Variants in ENTHD1 observed in about 807,000 individuals in gnomAD.
ENTHD1 encodes ENTH domain containing 1.
A neutral mutation model predicts 39.1 loss-of-function variants in ENTHD1; 23 were observed. The observed-to-expected ratio is 0.59, with a 90% CI of 0.42 to 0.83. The LOEUF is 0.83. Among genes scored for constraint, ENTHD1 ranks in the 40% least tolerant of loss-of-function variants. The pLI is 0.00. For synonymous variants in ENTHD1, 230 were observed against 258.2 expected (o/e 0.89, Z 1.05); for missense variants, 624 against 705.4 (o/e 0.88, Z 1.31).
At chr22:39,761,458 A>G (rs1230137215) in intron 6 of ENTHD1, among the ~76,000 whole-genome samples, 1 of 152,082 alleles carries the variant, frequency 6.6e-6, no homozygotes, top group Non-Finnish European at 1.5e-5. Flanking sequence ...TTTGGATCTG[A>G]AAGTTTATTT....
intron 2 of ENTHD1, among the ~76,000 whole-genome samples, chr22:39,879,929 G>T (rs531865951): frequency 3.0e-4 from 45 of 152,332 alleles, no homozygotes; most frequent in African/African-American, 1.0e-3. Flanking sequence ...CTACTATTAA[G>T]TGCTAAAAGG....
At chr22:39,819,290 G>A (rs191960216) in intron 5 of ENTHD1, among the ~76,000 whole-genome samples, 11 of 152,004 alleles carry the variant, frequency 7.2e-5, no homozygotes, top group South Asian at 2.1e-4. Context: ...GCTTGAACCC[G>A]GGAGGTGGAA....
intron 5 of ENTHD1, among the ~76,000 whole-genome samples, chr22:39,813,875 T>C (rs867702903): frequency 2.6e-5 from 4 of 152,180 alleles, no homozygotes; most frequent in Middle Eastern, 6.8e-3. Context: ...GGATACAAAA[T>C]CAATATACAA....
chr22:39,771,539 T>C (rs2065324662), intron 5 of ENTHD1, among the ~76,000 whole-genome samples: 1 of 152,174 alleles, frequency 6.6e-6, no homozygotes, highest in Admixed American at 6.5e-5. Flanking sequence ...GTTATCATCA[T>C]AGTCAAATTG....
chr22:39,773,057 G>T (rs987229633), intron 5 of ENTHD1, among the ~76,000 whole-genome samples: 2 of 146,190 alleles, frequency 1.4e-5, no homozygotes, highest in Non-Finnish European at 3.0e-5. Context: ...GCCAAAGCAG[G>T]TGGATCTCTT....
intron 3 of ENTHD1, among the ~76,000 whole-genome samples, chr22:39,838,977 G>C (rs902744793): frequency 6.6e-6 from 1 of 151,598 alleles, no homozygotes; most frequent in Non-Finnish European, 1.5e-5. Flanking sequence ...CAATCACAAT[G>C]GTATTTAGAT....
chr22:39,783,418 A>C (rs1229957143), intron 5 of ENTHD1, among the ~76,000 whole-genome samples: 3 of 152,196 alleles, frequency 2.0e-5, no homozygotes, highest in African/African-American at 4.8e-5. Flanking sequence ...TTTATATGGA[A>C]TCACAAGAGA....
intron 2 of ENTHD1, among the ~76,000 whole-genome samples, chr22:39,881,992 T>G (rs1033857822): frequency 6.6e-6 from 1 of 152,262 alleles, no homozygotes; most frequent in African/African-American, 2.4e-5. Context: ...ACTCCAGATA[T>G]AGATTACTCG....
At chr22:39,801,532 T>C (rs1473051657) in intron 5 of ENTHD1, among the ~76,000 whole-genome samples, 2 of 152,260 alleles carry the variant, frequency 1.3e-5, no homozygotes, top group South Asian at 2.1e-4. Flanking sequence ...AAAGAACATT[T>C]GCATGAGCGT....
At chr22:39,809,441 A>G (rs1264170309) in intron 5 of ENTHD1, among the ~76,000 whole-genome samples, 1 of 152,212 alleles carries the variant, frequency 6.6e-6, no homozygotes, top group Non-Finnish European at 1.5e-5. Flanking sequence ...AATGTCCAGG[A>G]AAGCCTCCCT....
At chr22:39,856,724 G>A (rs2066091718) in intron 3 of ENTHD1, among the ~76,000 whole-genome samples, 1 of 151,878 alleles carries the variant, frequency 6.6e-6, no homozygotes, top group African/African-American at 2.4e-5. Flanking sequence ...GTGGCGGTGT[G>A]TGCCTGTAGT....
At chr22:39,864,937 TA>T (rs2066171816) in intron 2 of ENTHD1, among the ~76,000 whole-genome samples, 1 of 152,104 alleles carries the variant, frequency 6.6e-6, no homozygotes, top group Non-Finnish European at 1.5e-5. Context: ...CATAAAGGAA[TA>T]AATTACCAAA....
At chr22:39,885,385 C>T (rs2066371596) in intron 2 of ENTHD1, among the ~76,000 whole-genome samples, 1 of 152,142 alleles carries the variant, frequency 6.6e-6, no homozygotes, top group Non-Finnish European at 1.5e-5. Flanking sequence ...AAAACTGGGA[C>T]ATTTTTAAAC....
intron 5 of ENTHD1, among the ~76,000 whole-genome samples, chr22:39,797,893 T>C (rs2065563907): frequency 6.6e-6 from 1 of 152,138 alleles, no homozygotes; most frequent in South Asian, 2.1e-4. Context: ...GACAGTTTGG[T>C]TATAGTGTGT....
intron 2 of ENTHD1, 31 bp downstream of exon 2, chr22:39,887,369 C>G (rs2066387160): frequency 6.4e-7 from 1 of 1,558,290 alleles, no homozygotes; most frequent in African/African-American, 1.4e-5. Context: ...CACCACCACA[C>G]CCAGCTTATA....
chr22:39,754,741 C>T lies in ENTHD1; in HGVS notation c.1220-10458G>A, dbSNP rs184470031. The stretch of plus-strand genomic sequence containing the variant: ...AAGGCTCCTGGCTATCTCCCTCTAC[C>T]TCACCCTCTGTTGTCTAACACCTCT... On this transcript the variant is annotated intron_variant, in intron 6 of 6. Coordinates refer to ENST00000325157, the MANE Select transcript of ENTHD1 (RefSeq NM_152512.4). Among the ~76,000 whole-genome samples, 533 of 152,270 alleles carry T rather than the reference C, an allele frequency of 3.5e-3. 4 individuals are homozygous for T. Among genetic ancestry groups the T allele is most frequent in the African/African-American group, 0.011 (467 of 41,564 alleles).
At chr22:39,843,711 G>A (rs552127031) in intron 3 of ENTHD1, among the ~76,000 whole-genome samples, 1 of 152,254 alleles carries the variant, frequency 6.6e-6, no homozygotes, top group East Asian at 1.9e-4. Context: ...TTGCAATAAA[G>A]GACTCAGCTG....
At chr22:39,885,562 A>G (rs113586287) in intron 2 of ENTHD1, among the ~76,000 whole-genome samples, 2 of 152,238 alleles carry the variant, frequency 1.3e-5, no homozygotes, top group East Asian at 3.8e-4. Context: ...TCAGTGCAAT[A>G]GCTAAAAGAA....
intron 2 of ENTHD1, chr22:39,876,014 C>T: frequency 6.2e-7 from 1 of 1,613,946 alleles, no homozygotes. Flanking sequence ...CCATGGGTCA[C>T]ACTATGATGC....
Sources: allele counts gnomAD v4.1 joint callset (sites outside exome capture counted in the v4.1 genomes callset), GRCh38; gene constraint gnomAD v4.1.1; transcripts MANE v1.5; gene names NCBI Gene and HGNC (gene_info 2026-07-23, HGNC 2026-07-21).